Variants in LCLAT1 observed in about 807,000 individuals in gnomAD.
LCLAT1 encodes lysocardiolipin acyltransferase 1, also known as 1-AGP acyltransferase 8.
In LCLAT1, 11 loss-of-function variants were observed where a neutral mutation model predicts 30.7. The observed-to-expected ratio is 0.36, with a 90% CI of 0.23 to 0.59. The LOEUF is 0.59. LCLAT1 is among the 20% of genes least tolerant of loss of function. The pLI is 0.77. For synonymous variants in LCLAT1, 155 were observed against 151.3 expected, an observed-to-expected ratio of 1.02 and a Z score of -0.18; for missense variants, 402 against 458.6, an observed-to-expected ratio of 0.88 and a Z score of 1.13.
intron 5 of LCLAT1, among the ~76,000 whole-genome samples, chr2:30,570,033 A>G (rs979904563): frequency 6.6e-6 from 1 of 152,074 alleles, no homozygotes; most frequent in African/African-American, 2.4e-5. Flanking sequence ...TCATTCAACA[A>G]TGTTTTTCTA....
At position 30,457,965 on chromosome 2, in the gene LCLAT1, G is replaced by T. The variant is rs114963458; in HGVS notation, c.-5+10582G>T. Among the ~76,000 whole-genome samples, 1,479 of 151,852 alleles carry T rather than the reference G, an allele frequency of 9.7e-3. 26 individuals carry two copies. Among genetic ancestry groups the T allele is most frequent in the African/African-American group, 0.034 (1,405 of 41,386 alleles). On this transcript the variant is annotated intron_variant, in intron 1 of 5. Transcript: ENST00000379509. ...TCTCATAGTACCTCGTATAACATAAGAATTCTTTTTAAAAAACTCTTTATT... is the reference window on the plus strand; with the variant it reads ...TCTCATAGTACCTCGTATAACATAATAATTCTTTTTAAAAAACTCTTTATT...
At chr2:30,636,346 T>C (rs1669024167) in intron 5 of LCLAT1, among the ~76,000 whole-genome samples, 2 of 152,198 alleles carry the variant, frequency 1.3e-5, no homozygotes, top group South Asian at 4.1e-4. Flanking sequence ...CCCTGACTAC[T>C]ATGTTGGTAT....
In LCLAT1 at chr2:30,596,435, GTCT is replaced by G. The variant is rs554308034; in HGVS notation, c.628+28264_628+28266del. On this transcript the variant is annotated intron_variant, in intron 5 of 5. Coordinates refer to ENST00000379509, the MANE Select transcript of LCLAT1 (RefSeq NM_001002257.3). ...TCATAAGTTTATTAGCCATATAAAT[GTCT>G]TCTTTTGAGAAGAGTCTGTTCATGT... Among the ~76,000 whole-genome samples, 190 of 151,450 alleles carry G rather than the reference GTCT, an allele frequency of 1.3e-3. 2 individuals are homozygous for G. The highest frequency in any genetic ancestry group is 4.3e-3 in the African/African-American group (176 of 41,334).
At chr2:30,600,828 C>T (rs928164341) in intron 5 of LCLAT1, among the ~76,000 whole-genome samples, 3 of 152,034 alleles carry the variant, frequency 2.0e-5, no homozygotes, top group Non-Finnish European at 4.4e-5. Context: ...GAATGTTGGC[C>T]CGTCTTCCTA....
intron 4 of LCLAT1, among the ~76,000 whole-genome samples, chr2:30,566,449 G>A (rs1665488732): frequency 6.6e-6 from 1 of 152,138 alleles, no homozygotes; most frequent in Non-Finnish European, 1.5e-5. Context: ...TACTCTTCAT[G>A]TGTAGGGCCT....
In LCLAT1 at chr2:30,568,139, T is replaced by A; in HGVS notation, c.591T>A (p.Thr197=). The A allele has an allele frequency of 6.2e-7, 1 of 1,605,402 alleles. No homozygotes were observed. The highest frequency in any genetic ancestry group is 8.5e-7 in the Non-Finnish European group (1 of 1,175,056). The change falls in exon 5 of 6, where the codon ACT becomes ACA. Residue 197 remains threonine (T), a synonymous_variant. Coordinates refer to ENST00000379509, the MANE Select transcript of LCLAT1 (RefSeq NM_001002257.3). ...ATGAATATGTTTTACATCCAAGAAC[T>A]ACAGGCTTTACTTTTGTGGTAGACC... ...QKYEYVLHPR[T]TGFTFVVDRL...
intron 5 of LCLAT1, among the ~76,000 whole-genome samples, chr2:30,603,462 A>C (rs1289308615): frequency 6.6e-6 from 1 of 151,398 alleles, no homozygotes; most frequent in Non-Finnish European, 1.5e-5. Context: ...GGAAACCTTC[A>C]ATTTTTGCTT....
intron 2 of LCLAT1, among the ~76,000 whole-genome samples, chr2:30,528,136 G>A (rs1685810096): frequency 6.6e-6 from 1 of 152,200 alleles, no homozygotes; most frequent in African/African-American, 2.4e-5. Context: ...ACTCACGTGT[G>A]TAGTACATAG....
At chr2:30,486,447 C>T (rs1450978346) in intron 1 of LCLAT1, among the ~76,000 whole-genome samples, 1 of 152,122 alleles carries the variant, frequency 6.6e-6, no homozygotes, top group South Asian at 2.1e-4. Flanking sequence ...AACCACTGAC[C>T]TAACCACCCT....
chr2:30,521,489 C>CTTTTTTTTTTTTTTTTT (rs1262784785), intron 1 of LCLAT1, among the ~76,000 whole-genome samples: 8 of 55,566 alleles, frequency 1.4e-4, no homozygotes, highest in South Asian at 5.8e-4. Context: ...TAAACTACTT[C>CTTTTTTTTTTTTTTTTT]TTCTTTTTTT....
intron 5 of LCLAT1, among the ~76,000 whole-genome samples, chr2:30,609,641 T>A (rs1667634774): frequency 6.6e-6 from 1 of 152,178 alleles, no homozygotes. Flanking sequence ...GCATGTGTTA[T>A]ACCAGGATAG....
chr2:30,603,540 G>A (rs1667288602), intron 5 of LCLAT1, among the ~76,000 whole-genome samples: 1 of 151,890 alleles, frequency 6.6e-6, no homozygotes. Context: ...TCAATCAAAT[G>A]AGAGGACAGA....
At chr2:30,611,041 A>C (rs1435687322) in intron 5 of LCLAT1, among the ~76,000 whole-genome samples, 2 of 143,588 alleles carry the variant, frequency 1.4e-5, no homozygotes, top group African/African-American at 5.1e-5. Context: ...TCCTCCCTTA[A>C]TTTGTTAAAT....
intron 5 of LCLAT1, among the ~76,000 whole-genome samples, chr2:30,620,782 T>A (rs531290026): frequency 1.3e-5 from 2 of 152,254 alleles, no homozygotes; most frequent in Admixed American, 6.5e-5. Context: ...CAATAAAAAA[T>A]TCGTTTTCTT....
chr2:30,577,233 T>G (rs563824414), intron 5 of LCLAT1, among the ~76,000 whole-genome samples: 4 of 151,962 alleles, frequency 2.6e-5, no homozygotes, highest in Non-Finnish European at 2.9e-5. Flanking sequence ...CCAGGTTCAT[T>G]TATCGTAAGT....
Position 30,640,185 on chromosome 2 carries a change from C to T in LCLAT1, c.697C>T (p.His233Tyr), listed in dbSNP as rs1271917471. 3.1e-6 allele frequency: 5 copies of T among 1,614,048 alleles called. No individual in the cohort carries two copies. The highest frequency in any genetic ancestry group is 4.2e-6 in the Non-Finnish European group (5 of 1,180,016). ...YPHNIPQSEK[H>Y]LLQGDFPREI... Reference sequence around the variant, plus strand: ...TCACAACATTCCTCAATCAGAGAAGCACCTCCTCCAAGGAGACTTTCCCAG... The same window carrying T: ...TCACAACATTCCTCAATCAGAGAAGTACCTCCTCCAAGGAGACTTTCCCAG... Residue 233 changes from histidine (H) to tyrosine (Y), a missense_variant, in exon 6 of 6, where the codon CAC becomes TAC. Coordinates refer to ENST00000379509, the MANE Select transcript of LCLAT1 (RefSeq NM_001002257.3).
Position 30,640,284 on chromosome 2 carries a change from T to C in LCLAT1, c.796T>C (p.Cys266Arg). 6.2e-7 allele frequency: 1 copy of C among 1,614,168 alleles called. No homozygotes were observed. Among genetic ancestry groups the C allele is most frequent in the South Asian group, 1.1e-5 (1 of 91,080 alleles). The change falls in exon 6 of 6, where the codon TGC (cysteine) becomes CGC (arginine). Residue 266 changes from cysteine (C) to arginine (R), a missense_variant. Coordinates refer to ENST00000379509, the MANE Select transcript of LCLAT1 (RefSeq NM_001002257.3). ...PTSKEDLQLW[C>R]HKRWEEKEER... Reference sequence around the variant, plus strand: ...ATCCAAGGAGGACCTTCAACTCTGGTGCCACAAACGGTGGGAAGAGAAAGA... The same window carrying C: ...ATCCAAGGAGGACCTTCAACTCTGGCGCCACAAACGGTGGGAAGAGAAAGA...
chr2:30,609,608 T>C (rs1667634115), intron 5 of LCLAT1, among the ~76,000 whole-genome samples: 1 of 152,146 alleles, frequency 6.6e-6, no homozygotes, highest in Non-Finnish European at 1.5e-5. Context: ...CAGTTTCTTC[T>C]AAATCTCAAG....
intron 5 of LCLAT1, among the ~76,000 whole-genome samples, chr2:30,571,378 C>T (rs1358133931): frequency 6.6e-6 from 1 of 152,148 alleles, no homozygotes; most frequent in Non-Finnish European, 1.5e-5. Context: ...TGTTTGTCTA[C>T]AATAGTTCTC....
Sources: gnomAD v4.1 joint callset for allele counts (sites outside exome capture counted in the v4.1 genomes callset) on GRCh38, gnomAD v4.1.1 for gene constraint, MANE v1.5 for transcripts, NCBI Gene and HGNC (gene_info 2026-07-23, HGNC 2026-07-21) for gene names.